SCOC: variants seen among roughly 807,000 people sequenced by gnomAD.
The protein encoded by SCOC is short coiled-coil protein, also known as short coiled coil protein.
A neutral mutation model predicts 9.9 loss-of-function variants in SCOC; 7 were observed. The observed-to-expected ratio is 0.71, with a 90% CI of 0.40 to 1.33. SCOC has a LOEUF of 1.33. SCOC is among the 40% of genes most tolerant of loss of function. SCOC has a pLI of 0.01. For synonymous variants in SCOC, 19 were observed against 28.2 expected (o/e 0.67, Z 1.03); for missense variants, 66 against 89.7 (o/e 0.74, Z 1.07).
At chr4:140,296,067 TTTAAA>T (rs1426511446) in intron 1 of SCOC, among the ~76,000 whole-genome samples, 1 of 152,092 alleles carries the variant, frequency 6.6e-6, no homozygotes, top group Non-Finnish European at 1.5e-5. Flanking sequence ...ATCTGCATTT[TTTAAA>T]AGTTCCCTGG....
chr4:140,272,057 CTTT>C (rs11325260), intron 1 of SCOC, among the ~76,000 whole-genome samples: 10 of 133,716 alleles, frequency 7.5e-5, no homozygotes, highest in Admixed American at 2.2e-4. Flanking sequence ...TCTATCATCA[CTTT>C]TTTTTTTTTT....
chr4:140,335,416 C>T (rs1452857942), intron 1 of SCOC, among the ~76,000 whole-genome samples: 1 of 152,188 alleles, frequency 6.6e-6, no homozygotes, highest in Non-Finnish European at 1.5e-5. Flanking sequence ...TAAATACTAG[C>T]TATTGCTATT....
intron 1 of SCOC, among the ~76,000 whole-genome samples, chr4:140,270,845 C>A (rs888124255): frequency 1.2e-4 from 19 of 152,134 alleles, no homozygotes; most frequent in Admixed American, 1.1e-3. Context: ...AATAAAAAGA[C>A]CTGCTTGATA....
chr4:140,338,992 G>C (rs1726387166), upstream of SCOC, among the ~76,000 whole-genome samples: 3 of 152,204 alleles, frequency 2.0e-5, no homozygotes, highest in Non-Finnish European at 4.4e-5. Flanking sequence ...ACATTGCCAA[G>C]TCAATCCTAA....
chr4:140,288,609 C>T (rs1731373338), intron 1 of SCOC, among the ~76,000 whole-genome samples: 1 of 151,960 alleles, frequency 6.6e-6, no homozygotes, highest in African/African-American at 2.4e-5. Flanking sequence ...ATCACATACA[C>T]ACACATCATA....
At chr4:140,323,995 T>C (rs1314853225) in intron 1 of SCOC, among the ~76,000 whole-genome samples, 3 of 152,014 alleles carry the variant, frequency 2.0e-5, no homozygotes, top group Non-Finnish European at 2.9e-5. Flanking sequence ...AAATCAAACA[T>C]TGCAATATAT....
intron 1 of SCOC, among the ~76,000 whole-genome samples, chr4:140,261,235 G>A (rs543525694): frequency 2.0e-5 from 3 of 152,190 alleles, no homozygotes; most frequent in Non-Finnish European, 2.9e-5. Context: ...TTTGTTGTCC[G>A]TGGCACTAGG....
chr4:140,269,572 CTCATGAA>C (rs1730798414), intron 1 of SCOC, among the ~76,000 whole-genome samples: 1 of 152,048 alleles, frequency 6.6e-6, no homozygotes, highest in South Asian at 2.1e-4. Flanking sequence ...CCATCAGTGC[CTCATGAA>C]ACGGAAGATT....
chr4:140,357,425 C>G (rs116419887), intron 2 of SCOC, among the ~76,000 whole-genome samples: 3,544 of 152,268 alleles, frequency 0.023, 68 homozygotes, highest in South Asian at 0.08. Context: ...GGGCATTCAA[C>G]AAGGAAAAGT....
chr4:140,329,010 C>G (rs1811761), intron 1 of SCOC, among the ~76,000 whole-genome samples: 44,461 of 152,028 alleles, frequency 0.29, 9,085 homozygotes, highest in African/African-American at 0.59. Context: ...TAAGCAAAAA[C>G]AACAAATCTG....
chr4:140,351,660 C>G (rs888840268), intron 2 of SCOC, among the ~76,000 whole-genome samples: 1 of 151,948 alleles, frequency 6.6e-6, no homozygotes, highest in Non-Finnish European at 1.5e-5. Context: ...TACCCCCTCA[C>G]GCCCTGCTGA....
chr4:140,308,682 G>A (rs1453645323), intron 1 of SCOC, among the ~76,000 whole-genome samples: 1 of 152,206 alleles, frequency 6.6e-6, no homozygotes, highest in Non-Finnish European at 1.5e-5. Flanking sequence ...GAGAGTTGAT[G>A]CGTCATCCTC....
At chr4:140,264,353 C>T (rs972486116) in intron 1 of SCOC, among the ~76,000 whole-genome samples, 5 of 152,120 alleles carry the variant, frequency 3.3e-5, no homozygotes, top group African/African-American at 1.2e-4. Flanking sequence ...GCCTCCCACC[C>T]CAACTTGCAA....
At chr4:140,334,461 T>C (rs1012600458) in intron 1 of SCOC, among the ~76,000 whole-genome samples, 1 of 152,216 alleles carries the variant, frequency 6.6e-6, no homozygotes, top group Non-Finnish European at 1.5e-5. Context: ...AAATGACATA[T>C]AATTTAAATA....
intron 1 of SCOC, among the ~76,000 whole-genome samples, chr4:140,321,678 T>A (rs1335565351): frequency 2.6e-5 from 4 of 151,796 alleles, no homozygotes; most frequent in Non-Finnish European, 5.9e-5. Flanking sequence ...TAGGACAAAA[T>A]CTCCAAGAGC....
intron 1 of SCOC, among the ~76,000 whole-genome samples, chr4:140,315,269 T>C (rs1732281900): frequency 6.6e-6 from 1 of 152,206 alleles, no homozygotes; most frequent in Admixed American, 6.5e-5. Context: ...GCTTAGGTAT[T>C]TTCAAAGGAA....
rs1053414344 is a variant in SCOC, at chr4:140,272,835, G to A, written c.-19+15425G>A. On this transcript the variant is annotated intron_variant, in intron 1 of 4. Coordinates refer to the SCOC transcript ENST00000394205. ...GGGGAAGGAAGGCGGGGAGGGGAAG[G>A]CTCCGGTCTTCACTCTGCTGAACTA... Among the ~76,000 whole-genome samples, 3 of 152,122 alleles carry A rather than the reference G, an allele frequency of 2.0e-5. No individual in the cohort carries two copies. The East Asian group carries it at 5.8e-4, about 29-fold the overall frequency.
chr4:140,260,008 C>T (rs1005748923), intron 1 of SCOC, among the ~76,000 whole-genome samples: 3 of 152,180 alleles, frequency 2.0e-5, no homozygotes, highest in African/African-American at 7.2e-5. Flanking sequence ...TGGGTCAAAT[C>T]TCACTCCCAG....
In SCOC at chr4:140,267,554, G is replaced by A. The variant is rs191860361; in HGVS notation, c.-19+10144G>A. 1.1e-4 allele frequency among the ~76,000 whole-genome samples: 16 copies of A among 152,228 alleles called. No individual in the cohort carries two copies. The East Asian group carries it at 2.3e-3, about 22-fold the overall frequency. ...CTAAGATCGGAGGATGATAGGAGGC[G>A]CTGACAGGCTGGATGGTGGAGGTAG... On this transcript the variant is annotated intron_variant, in intron 1 of 4. Transcript: ENST00000394205.
Sources: allele counts gnomAD v4.1 joint callset (sites outside exome capture counted in the v4.1 genomes callset), GRCh38; gene constraint gnomAD v4.1.1; transcripts MANE v1.5; gene names NCBI Gene and HGNC (gene_info 2026-07-23, HGNC 2026-07-21).